The following VPS4A variants were observed in gnomAD, a reference collection of about 807,000 sequenced individuals.
VPS4A encodes vacuolar protein sorting 4 homolog A.
Under a neutral mutation model 52.3 loss-of-function variants are expected in VPS4A, and 20 were observed. The observed-to-expected ratio is 0.38, with a 90% CI of 0.27 to 0.56. The LOEUF is 0.56. Ranked by LOEUF, VPS4A falls within the 20% of genes least tolerant of loss-of-function variation. The pLI is 0.72. For missense variants in VPS4A, 419 were observed against 575.9 expected, an observed-to-expected ratio of 0.73 and a Z score of 2.79; for synonymous variants, 293 against 227.7, an observed-to-expected ratio of 1.29 and a Z score of -2.58.
At position 69,316,278 on chromosome 16, in the gene VPS4A, T is replaced by C; in HGVS notation, c.187T>C (p.Tyr63His). The change falls in exon 3 of 11, where the codon TAC (tyrosine) becomes CAC (histidine). Residue 63 changes from tyrosine to histidine, a missense_variant. Physicochemically the swap from Tyr to His is moderately conservative, Grantham distance 83. Transcript: ENST00000254950. Reference sequence around the variant, plus strand: ...GAGCATTCGAGCCAAGTGCGTGCAGTACCTAGACCGGGCCGAGAAGCTGAA... The same window carrying C: ...GAGCATTCGAGCCAAGTGCGTGCAGCACCTAGACCGGGCCGAGAAGCTGAA... ...KESIRAKCVQ[Y>H]LDRAEKLKDY... 1 of 1,613,760 alleles carries C rather than the reference T, an allele frequency of 6.2e-7. No homozygotes were observed. The highest frequency in any genetic ancestry group is 8.5e-7 in the Non-Finnish European group (1 of 1,179,854).
At position 69,320,842 on chromosome 16, in the gene VPS4A, A is replaced by G; in HGVS notation, c.851+73A>G. 6.8e-7 allele frequency: 1 copy of G among 1,463,270 alleles called. No homozygotes were observed. Among genetic ancestry groups the G allele is most frequent in the East Asian group, 2.4e-5 (1 of 40,880 alleles). 90.6% of individuals were successfully genotyped at this position (1,463,270 alleles called of 1,614,324 possible). A position where few individuals can be genotyped will look rare whatever the true frequency, so the allele number is the denominator to read the frequency against. ...TGGTCACGGTCCGCCTGCTGCTGGC[A>G]GCCCGGGTGCAGCCTGGCCCCTTTT... is the stretch of plus-strand genomic sequence containing the variant. On this transcript the variant is annotated intron_variant, in intron 8 of 10. Transcript: ENST00000254950. This position sits in a 1 kb window ranked among gnomAD's most constrained non-coding sequence, Gnocchi z 4.2.
rs142809055 is a variant in VPS4A at position 69,326,864 on chromosome 16, G to GT, written c.*2561dup. The GT allele has an allele frequency of 0.026, 3,911 of 152,270 alleles. 64 individuals are homozygous for GT. Among genetic ancestry groups the GT allele is most frequent in the Non-Finnish European group, 0.043 (2,956 of 68,028 alleles). 9.4% of individuals were successfully genotyped at this position (152,270 alleles called of 1,614,324 possible). On this transcript the variant is annotated 3_prime_UTR_variant, in exon 11 of 11. Transcript: ENST00000254950. ...GCTCACAACGTTGACATGTATATGC[G>GT]TTTTTTGTGAGTGCTTCCTGCTCAA...
chr16:69,321,731 CCGTTGTTGGTGGGGAGACAGTCAACA>C lies in VPS4A; in HGVS notation c.1071+463_1071+488del. ...CCAACAGACAAAAATCCTAGACCTT[CCGTTGTTGGTGGGGAGACAGTCAACA>C]CAGTCAGTGAGTGTCTCAGAGGATG... is the stretch of plus-strand genomic sequence containing the variant. On this transcript the variant is annotated intron_variant, in intron 9 of 10. Transcript: ENST00000254950. This position sits in a 1 kb window ranked among gnomAD's most constrained non-coding sequence, Gnocchi z 4.5. 5.4e-6 allele frequency: 1 copy of C among 186,100 alleles called. No homozygotes were observed. Among genetic ancestry groups the C allele is most frequent in the South Asian group, 1.1e-4 (1 of 9,012 alleles). 11.5% of individuals were successfully genotyped at this position (186,100 alleles called of 1,614,324 possible). A position where few individuals can be genotyped will look rare whatever the true frequency, so the allele number is the denominator to read the frequency against.
At chr16:69,323,835 A>G in intron 10 of VPS4A, 1 of 364,604 alleles carries the variant, frequency 2.7e-6, no homozygotes, top group East Asian at 7.3e-5. Flanking sequence ...CTGTAGTCCC[A>G]GCTATTTGGG....
chr16:69,318,787 G>GCCGGGA, intron 4 of VPS4A, 36 bp from the exon 5 acceptor site: 1 of 1,612,106 alleles, frequency 6.2e-7, no homozygotes, highest in Non-Finnish European at 8.5e-7. Context: ...ATGCCCCTTG[G>GCCGGGA]CCGGGCCCGG....
intron 6 of VPS4A, among the ~76,000 whole-genome samples, chr16:69,319,846 CCT>C (rs1384917839): frequency 6.6e-6 from 1 of 152,160 alleles, no homozygotes; most frequent in Non-Finnish European, 1.5e-5. Context: ...CACACTGACT[CCT>C]GTTTTGCGTG....
rs771264354 is a variant in VPS4A, at chr16:69,316,084, A to G, written c.98A>G (p.Gln33Arg). 1.9e-6 allele frequency: 3 copies of G among 1,613,508 alleles called. No individual in the cohort carries two copies. In the South Asian group the frequency reaches 3.3e-5, roughly 18 times the overall value. The change falls in exon 2 of 11, where the codon CAG becomes CGG. Residue 33 changes from glutamine (Q) to arginine (R), a missense_variant. Gln to Arg is a conservative substitution (Grantham distance 43, BLOSUM62 1). Coordinates refer to ENST00000254950, the MANE Select transcript of VPS4A (RefSeq NM_013245.3). ...TACGAGGAGGCGCTGCGGCTGTACC[A>G]GCATGCGGTGGAGTACTTCCTCCAC... ...KNYEEALRLY[Q>R]HAVEYFLHAI... is the part of the protein sequence containing the mutation.
chr16:69,320,243 T>C lies in VPS4A; in HGVS notation c.723T>C (p.Ser241=). Reference sequence around the variant, plus strand: ...GCGGGTCCCGAAATGAAAATGAGAGTGAGGCCGCCCGGAGGATCAAAACGG... The same window carrying C: ...GCGGGTCCCGAAATGAAAATGAGAGCGAGGCCGCCCGGAGGATCAAAACGG... The part of the protein sequence containing the change: ...SLCGSRNENE[S]EAARRIKTEF... Residue 241 remains serine (S), a synonymous_variant, in exon 7 of 11, where the codon AGT becomes AGC. Transcript: ENST00000254950. The surrounding 1 kb of genome is among the most constrained non-coding windows in gnomAD (Gnocchi z 4.2). The C allele has an allele frequency of 6.2e-7, 1 of 1,613,822 alleles. No homozygotes were observed. The highest frequency in any genetic ancestry group is 8.5e-7 in the Non-Finnish European group (1 of 1,179,806).
In VPS4A at chr16:69,316,115, C is replaced by T. The variant is rs1965432587; in HGVS notation, c.129C>T (p.Ile43=). 2 of 1,613,342 alleles carry T rather than the reference C, an allele frequency of 1.2e-6. No individual in the cohort carries two copies. The highest frequency in any genetic ancestry group is 1.6e-4 in the Middle Eastern group (1 of 6,062). ...CGGTGGAGTACTTCCTCCACGCTATCAAGTGTGAGTCACACGAGGGGTCCT... is the reference window on the plus strand; with the variant it reads ...CGGTGGAGTACTTCCTCCACGCTATTAAGTGTGAGTCACACGAGGGGTCCT... ...QHAVEYFLHA[I]KYEAHSDKAK... Residue 43 remains isoleucine, a synonymous_variant, in exon 2 of 11, where the codon ATC becomes ATT. Transcript: ENST00000254950.
At chr16:69,312,536 A>G (rs1003785887) in intron 1 of VPS4A, among the ~76,000 whole-genome samples, 3 of 152,330 alleles carry the variant, frequency 2.0e-5, no homozygotes. Flanking sequence ...CCGTCTGCCC[A>G]GGCAGGTTTT....
At chr16:69,318,220 G>A (rs1251705416) in intron 3 of VPS4A, among the ~76,000 whole-genome samples, 3 of 152,104 alleles carry the variant, frequency 2.0e-5, no homozygotes, top group African/African-American at 4.8e-5. Context: ...CGATCCTCCC[G>A]CCTCAGCCTC....
rs1003156030 is a variant in VPS4A, at chr16:69,321,672, G to C, written c.1071+402G>C. On this transcript the variant is annotated intron_variant, in intron 9 of 10. Coordinates refer to ENST00000254950, the MANE Select transcript of VPS4A (RefSeq NM_013245.3). This position sits in a 1 kb window ranked among gnomAD's most constrained non-coding sequence, Gnocchi z 4.5. ...TTGCTGTGGGTCCTCCTGTGTGCCCGGCCCTGTCCTAAGTGCTGGGAAGAT... is the reference window on the plus strand; with the variant it reads ...TTGCTGTGGGTCCTCCTGTGTGCCCCGCCCTGTCCTAAGTGCTGGGAAGAT... 1 of 239,780 alleles carries C rather than the reference G, an allele frequency of 4.2e-6. No homozygotes were observed. The highest frequency in any genetic ancestry group is 8.3e-6 in the Non-Finnish European group (1 of 120,094). The allele number at this position is 239,780 out of a possible 1,614,324, so 14.9% of individuals were successfully genotyped here.
chr16:69,319,801 C>T (rs1965487640), intron 6 of VPS4A, among the ~76,000 whole-genome samples: 1 of 152,180 alleles, frequency 6.6e-6, no homozygotes, highest in Non-Finnish European at 1.5e-5. Context: ...GGGTTGCGGT[C>T]CCTGTTGGGG....
Position 69,321,376 on chromosome 16 carries a change from C to A in VPS4A, c.1071+106C>A. 1.5e-6 allele frequency: 2 copies of A among 1,300,358 alleles called. No individual in the cohort carries two copies. The highest frequency in any genetic ancestry group is 1.5e-5 in the African/African-American group (1 of 68,344). The allele number at this position is 1,300,358 out of a possible 1,614,324, so 80.6% of individuals were successfully genotyped here. A position where few individuals can be genotyped will look rare whatever the true frequency, so the allele number is the denominator to read the frequency against. On this transcript the variant is annotated intron_variant, in intron 9 of 10. Transcript: ENST00000254950. This position sits in a 1 kb window ranked among gnomAD's most constrained non-coding sequence, Gnocchi z 4.5. ...CTGCTCCCCGGCTGCTCAGGTGACA[C>A]AGTCTCTGAGGCCTCCTGGAGAGCC...
At chr16:69,319,868 G>A (rs921621543) in intron 6 of VPS4A, among the ~76,000 whole-genome samples, 6 of 152,172 alleles carry the variant, frequency 3.9e-5, no homozygotes, top group South Asian at 2.1e-4. Flanking sequence ...GTGATGAGAC[G>A]GGCTCGGAAG....
At position 69,316,086 on chromosome 16, in the gene VPS4A, C is replaced by T; in HGVS notation, c.100C>T (p.His34Tyr). Residue 34 changes from histidine (H) to tyrosine (Y), a missense_variant, in exon 2 of 11, where the codon CAT becomes TAT. His to Tyr is a moderately conservative substitution (Grantham distance 83, BLOSUM62 2). Coordinates refer to ENST00000254950, the MANE Select transcript of VPS4A (RefSeq NM_013245.3). ...CGAGGAGGCGCTGCGGCTGTACCAG[C>T]ATGCGGTGGAGTACTTCCTCCACGC... Reference protein sequence around the residue: ...NYEEALRLYQHAVEYFLHAIK... With the variant: ...NYEEALRLYQYAVEYFLHAIK... The T allele has an allele frequency of 6.2e-7, 1 of 1,613,520 alleles. No homozygotes were observed. The highest frequency in any genetic ancestry group is 1.1e-5 in the South Asian group (1 of 91,086).
chr16:69,317,994 A>T (rs1597212510), intron 3 of VPS4A, among the ~76,000 whole-genome samples: 2 of 134,266 alleles, frequency 1.5e-5, no homozygotes, highest in African/African-American at 5.6e-5. Flanking sequence ...TGGCAGCTGC[A>T]TTGTTTGACT....
intron 10 of VPS4A, 51 bp downstream of exon 10, chr16:69,322,751 T>C: frequency 6.4e-7 from 1 of 1,565,518 alleles, no homozygotes; most frequent in Non-Finnish European, 8.7e-7. Context: ...CCCAGAAAAT[T>C]GAGGGTTTGG....
intron 5 of VPS4A, 89 bp downstream of exon 5, chr16:69,319,031 C>T: frequency 6.5e-6 from 10 of 1,548,240 alleles, no homozygotes; most frequent in Non-Finnish European, 8.7e-6. Context: ...TCAGTGGCGA[C>T]TCAGCCCCCG....
Sources: gnomAD v4.1 joint callset for allele counts (sites outside exome capture counted in the v4.1 genomes callset) on GRCh38, gnomAD v4.1.1 for gene constraint, Gnocchi (gnomAD v3.1) non-coding constraint, MANE v1.5 for transcripts, NCBI Gene and HGNC (gene_info 2026-07-23, HGNC 2026-07-21) for gene names.